NPM2: variants seen among roughly 807,000 people sequenced by gnomAD.
NPM2 encodes nucleophosmin/nucleoplasmin 2, also known as nucleoplasmin-2.
Under a neutral mutation model 32.0 loss-of-function variants are expected in NPM2, and 25 were observed. The observed-to-expected ratio is 0.78, with a 90% confidence interval of 0.57 to 1.09. NPM2 has a LOEUF of 1.09. Ranked by LOEUF, NPM2 falls within the 50% of genes least tolerant of loss-of-function variation. The pLI is 0.00. For missense variants in NPM2, 282 were observed against 259.9 expected, an observed-to-expected ratio of 1.08 and a Z score of -0.58; for synonymous variants, 111 against 94.2, an observed-to-expected ratio of 1.18 and a Z score of -1.04.
intron 8 of NPM2, chr8:22,036,280 T>A (rs1267359173): frequency 3.7e-6 from 2 of 536,450 alleles, no homozygotes; most frequent in Admixed American, 7.1e-5. Flanking sequence ...ACATTTGTGA[T>A]AACTAAATGA....
At chr8:22,033,416 C>T (rs910040230) in intron 6 of NPM2, among the ~76,000 whole-genome samples, 193 bp downstream of exon 6, 1 of 152,188 alleles carries the variant, frequency 6.6e-6, no homozygotes, top group African/African-American at 2.4e-5. Context: ...CCTGCCATGA[C>T]CTCTGTAGGC....
rs756555257 is a variant in NPM2, at chr8:22,025,654, T to G, written c.152T>G (p.Leu51Trp). The G allele has an allele frequency of 2.5e-6, 4 of 1,614,038 alleles. No individual in the cohort carries two copies. Among genetic ancestry groups the G allele is most frequent in the Middle Eastern group, 1.6e-4 (1 of 6,062 alleles). The part of the protein sequence containing the change: ...SCRLLLHTIC[L>W]GEKAKEEMHR... ...ATTTTCAACCCCGCTCAGATTTGCT[T>G]GGGGGAGAAAGCCAAAGAGGAGATG... Residue 51 changes from leucine (L) to tryptophan (W), a missense_variant, in exon 5 of 10, where the codon TTG becomes TGG. Leu to Trp is a moderately conservative substitution (Grantham distance 61). Transcript: ENST00000518119.
chr8:22,024,740 T>A lies in NPM2; in HGVS notation c.-124T>A, dbSNP rs1298440127. On this transcript the variant is annotated 5_prime_UTR_variant, in exon 2 of 10. It adds an upstream start codon to the 5' untranslated region. Coordinates refer to ENST00000518119, the MANE Select transcript of NPM2 (RefSeq NM_001286680.2). ...CCTTCCCAGGCTTCTTAGCCCGGGCTTGGACAGCCGCCTTCCGGCCAGAGG... is the reference window on the plus strand; with the variant it reads ...CCTTCCCAGGCTTCTTAGCCCGGGCATGGACAGCCGCCTTCCGGCCAGAGG... 1 of 153,276 alleles carries A rather than the reference T, an allele frequency of 6.5e-6. No individual in the cohort carries two copies. Among genetic ancestry groups the A allele is most frequent in the Non-Finnish European group, 1.5e-5 (1 of 68,826 alleles). The allele number at this position is 153,276 out of a possible 1,614,324, so 9.5% of individuals were successfully genotyped here.
At chr8:22,033,458 A>C (rs1800509894) in intron 6 of NPM2, among the ~76,000 whole-genome samples, 1 of 152,190 alleles carries the variant, frequency 6.6e-6, no homozygotes, top group Non-Finnish European at 1.5e-5. Context: ...TTCAAAGAGC[A>C]GTTGTGAAGA....
intron 2 of NPM2, 25 bp from the exon 3 acceptor site, chr8:22,025,191 C>A (rs1563349948): frequency 1.3e-6 from 2 of 1,575,536 alleles, no homozygotes; most frequent in East Asian, 4.6e-5. Flanking sequence ...GGGAGCAAGG[C>A]CTCACGCGGG....
chr8:22,024,637 GCA>G lies in NPM2; in HGVS notation c.-141+15_-141+16del, dbSNP rs950112438. On this transcript the variant is annotated intron_variant, in intron 1 of 9. Coordinates refer to ENST00000518119, the MANE Select transcript of NPM2 (RefSeq NM_001286680.2). ...ACAGCCCTCCAGGTGATTCTGCCGC[GCA>G]GAGGAGGAAAGAATGGGAGAAGGGA... is the stretch of plus-strand genomic sequence containing the variant. 6.6e-6 allele frequency: 1 copy of G among 152,412 alleles called. No individual in the cohort carries two copies. Among genetic ancestry groups the G allele is most frequent in the African/African-American group, 2.4e-5 (1 of 41,470 alleles). The allele number at this position is 152,412 out of a possible 1,614,324, so 9.4% of individuals were successfully genotyped here.
intron 6 of NPM2, among the ~76,000 whole-genome samples, chr8:22,033,672 G>T (rs962885182): frequency 6.6e-6 from 1 of 152,128 alleles, no homozygotes; most frequent in African/African-American, 2.4e-5. Flanking sequence ...ATTCATCAGG[G>T]TACTCTCCTG....
intron 5 of NPM2, among the ~76,000 whole-genome samples, chr8:22,029,433 C>T (rs113119729): frequency 0.023 from 3,486 of 152,222 alleles, 61 homozygotes; most frequent in Middle Eastern, 0.065. Context: ...TGTGAGCTAC[C>T]GCACCTGGCC....
At chr8:22,032,756 G>A (rs1406035128) in intron 5 of NPM2, among the ~76,000 whole-genome samples, 1 of 152,058 alleles carries the variant, frequency 6.6e-6, no homozygotes, top group Non-Finnish European at 1.5e-5. Flanking sequence ...AAAGGTACTA[G>A]TTCTATCATG....
chr8:22,034,444 T>G, intron 7 of NPM2, 66 bp from the exon 8 acceptor site: 1 of 1,485,590 alleles, frequency 6.7e-7, no homozygotes, highest in Non-Finnish European at 9.3e-7. Context: ...CTTGTGGACT[T>G]TGGGAATCTG....
rs150581824 is a variant in NPM2, at chr8:22,025,771, T to C, written c.269T>C (p.Met90Thr). The C allele has an allele frequency of 1.5e-4, 247 of 1,613,988 alleles. No homozygotes were observed. Among genetic ancestry groups the C allele is most frequent in the Non-Finnish European group, 2.0e-4 (240 of 1,179,990 alleles). The change falls in exon 5 of 10, where the codon ATG becomes ACG. Residue 90 changes from methionine (M) to threonine (T), a missense_variant and splice_region_variant. Physicochemically the swap from Met to Thr is moderately conservative, Grantham distance 81. Coordinates refer to ENST00000518119, the MANE Select transcript of NPM2 (RefSeq NM_001286680.2). ...TCACTCCAGGCCTCAGTCCTCCCCA[T>C]GGTGCGCATTTCCCTGCTGGCTGGA... The part of the protein sequence containing the change: ...IASLQASVLP[M>T]VSMVGVQLSP...
intron 8 of NPM2, 30 bp from the exon 9 acceptor site, chr8:22,036,463 C>T (rs1800624330): frequency 6.3e-7 from 1 of 1,596,210 alleles, no homozygotes. Context: ...GACCCCAATC[C>T]CACTCCTGCT....
chr8:22,033,922 C>T (rs1308853065), intron 6 of NPM2, among the ~76,000 whole-genome samples, 187 bp from the exon 7 acceptor site: 2 of 152,146 alleles, frequency 1.3e-5, no homozygotes, highest in Non-Finnish European at 2.9e-5. Context: ...CTACCCTGGC[C>T]TCCACTGTTG....
In NPM2 at chr8:22,036,525, A is replaced by T; in HGVS notation, c.599A>T (p.Lys200Met). The change falls in exon 9 of 10, where the codon AAG becomes ATG. Residue 200 changes from lysine (K) to methionine (M), a missense_variant and splice_region_variant. Coordinates refer to ENST00000518119, the MANE Select transcript of NPM2 (RefSeq NM_001286680.2). ...ASVRDKSPVK[K>M]AKATARAKKP... is the part of the protein sequence containing the mutation. ...GTTAGAGACAAGAGCCCTGTGAAAA[A>T]GGTGAGTAGGACCAGAGGGCTTTGG... The T allele has an allele frequency of 6.2e-7, 1 of 1,600,206 alleles. No individual in the cohort carries two copies. The highest frequency in any genetic ancestry group is 1.7e-5 in the Admixed American group (1 of 58,444).
chr8:22,027,058 C>A (rs1394160575), intron 5 of NPM2, among the ~76,000 whole-genome samples: 1 of 152,144 alleles, frequency 6.6e-6, no homozygotes, highest in Non-Finnish European at 1.5e-5. Flanking sequence ...TATCTGAGTT[C>A]CTTTGCCATC....
At chr8:22,035,416 G>A (rs1800587146) in intron 8 of NPM2, among the ~76,000 whole-genome samples, 1 of 152,046 alleles carries the variant, frequency 6.6e-6, no homozygotes, top group Non-Finnish European at 1.5e-5. Flanking sequence ...TAGGACTATA[G>A]GCACGTGCCA....
intron 8 of NPM2, among the ~76,000 whole-genome samples, chr8:22,035,255 G>A (rs71513857): frequency 0.15 from 22,221 of 152,182 alleles, 1,998 homozygotes; most frequent in Non-Finnish European, 0.2. Context: ...ATAGCAACCT[G>A]GAAAGTATGT....
chr8:22,033,932 G>A (rs1347982033), intron 6 of NPM2, among the ~76,000 whole-genome samples, 177 bp from the exon 7 acceptor site: 1 of 152,098 alleles, frequency 6.6e-6, no homozygotes, highest in African/African-American at 2.4e-5. Flanking sequence ...CTCCACTGTT[G>A]GGAGGGCCAG....
chr8:22,031,090 C>T (rs1800424832), intron 5 of NPM2, among the ~76,000 whole-genome samples: 1 of 152,084 alleles, frequency 6.6e-6, no homozygotes, highest in Admixed American at 6.5e-5. Flanking sequence ...ATATCATAAG[C>T]TTGGGATTTT....
Sources: gnomAD v4.1 joint callset for allele counts (sites outside exome capture counted in the v4.1 genomes callset) on GRCh38, gnomAD v4.1.1 for gene constraint, MANE v1.5 for transcripts, NCBI Gene and HGNC (gene_info 2026-07-23, HGNC 2026-07-21) for gene names.